VHL: variants seen among roughly 807,000 people sequenced by gnomAD.
The protein encoded by VHL is von Hippel-Lindau disease tumor suppressor.
A neutral mutation model predicts 19.2 loss-of-function variants in VHL; 10 were observed. That is an observed-to-expected ratio of 0.52 (90% CI 0.32 to 0.89). The LOEUF (loss-of-function observed/expected upper bound fraction) is 0.89, where lower values mean the gene tolerates loss of function less well. VHL is among the 40% of genes least tolerant of loss of function. VHL has a pLI of 0.03. For missense variants in VHL, 328 were observed against 292.7 expected (o/e 1.12, Z -0.88); for synonymous variants, 167 against 129.5 (o/e 1.29, Z -1.97).
chr3:10,146,982 G>T (rs959045706), intron 2 of VHL, among the ~76,000 whole-genome samples: 22 of 152,078 alleles, frequency 1.4e-4, no homozygotes, highest in African/African-American at 5.1e-4. Flanking sequence ...TAGAGCATGA[G>T]ATATTTTGGC....
intron 1 of VHL, among the ~76,000 whole-genome samples, chr3:10,145,583 G>C (rs1283359843): frequency 2.0e-5 from 3 of 151,620 alleles, no homozygotes; most frequent in Admixed American, 6.6e-5. Context: ...GCGGGCACCT[G>C]TGGTCCCAGC....
At chr3:10,144,593 C>G (rs1696208635) in intron 1 of VHL, among the ~76,000 whole-genome samples, 1 of 149,458 alleles carries the variant, frequency 6.7e-6, no homozygotes, top group Non-Finnish European at 1.5e-5. Flanking sequence ...TCATTGCACC[C>G]TTAACCTGGG....
At chr3:10,147,645 G>A (rs9829048) in intron 2 of VHL, among the ~76,000 whole-genome samples, 4 of 151,692 alleles carry the variant, frequency 2.6e-5, no homozygotes, top group Admixed American at 2.0e-4. Context: ...GATTACAGGC[G>A]TGAGCCACTG....
Position 10,150,658 on chromosome 3 carries a change from C to T in VHL, c.*693C>T, listed in dbSNP as rs548149039. ...TTTCTAAGTCGTGCACTTTCTCGGT[C>T]CACTCTTGTTGAAGTGCTGTTTTAT... On this transcript the variant is annotated 3_prime_UTR_variant, in exon 3 of 3. Coordinates refer to ENST00000256474, the MANE Select transcript of VHL (RefSeq NM_000551.4). 50 of 235,010 alleles carry T rather than the reference C, an allele frequency of 2.1e-4. No homozygotes were observed. Among genetic ancestry groups the T allele is most frequent in the African/African-American group, 1.1e-3 (48 of 45,424 alleles). 14.6% of individuals were successfully genotyped at this position (235,010 alleles called of 1,614,324 possible).
intron 1 of VHL, among the ~76,000 whole-genome samples, chr3:10,143,727 G>A (rs575076052): frequency 3.4e-4 from 52 of 152,306 alleles, no homozygotes; most frequent in African/African-American, 1.1e-3. Flanking sequence ...GATTACAGGC[G>A]TGCTGGGATT....
In VHL at chr3:10,142,341, C is replaced by CT. The variant is rs556405301; in HGVS notation, c.340+174dup. 0.11 allele frequency among the ~76,000 whole-genome samples: 11,413 copies of CT among 107,808 alleles called. 2,500 individuals carry two copies. Among genetic ancestry groups the CT allele is most frequent in the African/African-American group, 0.39 (10,568 of 26,832 alleles). 70.7% of individuals were successfully genotyped at this position (107,808 alleles called of 152,430 possible). A position where few individuals can be genotyped will look rare whatever the true frequency, so the allele number is the denominator to read the frequency against. ...CGCTGCTCGTAAGCGTCAGAGCATT[C>CT]TTTTTTTTTTTTTTTTTTTTCTGAG... On this transcript the variant is annotated intron_variant, in intron 1 of 2. Transcript: ENST00000256474.
intron 1 of VHL, chr3:10,142,563 C>G (rs539163717): frequency 3.8e-6 from 1 of 261,786 alleles, no homozygotes; most frequent in Non-Finnish European, 7.4e-6. Flanking sequence ...TCAGGCTGGT[C>G]TCGAACTGCT....
At chr3:10,147,700 A>G (rs1348799924) in intron 2 of VHL, among the ~76,000 whole-genome samples, 1 of 150,506 alleles carries the variant, frequency 6.6e-6, no homozygotes, top group African/African-American at 2.4e-5. Context: ...GAAGATTGGT[A>G]TAATACTTCA....
Position 10,153,656 on chromosome 3 carries a change from G to C in VHL, c.*3691G>C, listed in dbSNP as rs1696477623. Among the ~76,000 whole-genome samples, 1 of 151,134 alleles carries C rather than the reference G, an allele frequency of 6.6e-6. No individual in the cohort carries two copies. Among genetic ancestry groups the C allele is most frequent in the Non-Finnish European group, 1.5e-5 (1 of 67,906 alleles). ...GTTTTTTAATACATTAAATGGTGCT[G>C]AGTAAAGGAAATAGGCAGGGTGTGT... On this transcript the variant is annotated 3_prime_UTR_variant, in exon 3 of 3. Coordinates refer to ENST00000256474, the MANE Select transcript of VHL (RefSeq NM_000551.4).
In VHL at chr3:10,149,881, A is replaced by C. The variant is rs587778744; in HGVS notation, c.558A>C (p.Glu186Asp). Residue 186 changes from glutamate (E) to aspartate (D), a missense_variant, in exon 3 of 3, where the codon GAA (glutamate) becomes GAC (aspartate). Transcript: ENST00000256474. ...RRLDIVRSLY[E>D]DLEDHPNVQK... is the part of the protein sequence containing the mutation. ...TGGACATCGTCAGGTCGCTCTACGA[A>C]GATCTGGAAGACCACCCAAATGTGC... is the stretch of plus-strand genomic sequence containing the variant. 1 of 1,614,212 alleles carries C rather than the reference A, an allele frequency of 6.2e-7. No individual in the cohort carries two copies. The highest frequency in any genetic ancestry group is 2.2e-5 in the East Asian group (1 of 44,884).
chr3:10,151,561 G>C lies in VHL; in HGVS notation c.*1596G>C, dbSNP rs907376168. On this transcript the variant is annotated 3_prime_UTR_variant, in exon 3 of 3. Coordinates refer to ENST00000256474, the MANE Select transcript of VHL (RefSeq NM_000551.4). Reference sequence around the variant, plus strand: ...TTCCAGCCTTTTTAGGGCAGATTTTGGTTGGTTTTTACATAGTTGAGATTG... The same window carrying C: ...TTCCAGCCTTTTTAGGGCAGATTTTCGTTGGTTTTTACATAGTTGAGATTG... 8.9e-6 allele frequency: 2 copies of C among 225,802 alleles called. No homozygotes were observed. The highest frequency in any genetic ancestry group is 1.8e-5 in the Non-Finnish European group (2 of 113,614). The allele number at this position is 225,802 out of a possible 1,614,324, so 14.0% of individuals were successfully genotyped here.
At chr3:10,146,325 CA>C (rs767939209) in intron 1 of VHL, among the ~76,000 whole-genome samples, 188 bp from the exon 2 acceptor site, 15 of 59,934 alleles carry the variant, frequency 2.5e-4, no homozygotes, top group Non-Finnish European at 8.3e-4. Context: ...AGGCGCTCGC[CA>C]CCACACCTGG....
chr3:10,150,411 A>T lies in VHL; in HGVS notation c.*446A>T, dbSNP rs1204770307. 8.6e-7 allele frequency: 1 copy of T among 1,165,078 alleles called. No homozygotes were observed. The highest frequency in any genetic ancestry group is 1.6e-5 in the African/African-American group (1 of 64,056). The allele number at this position is 1,165,078 out of a possible 1,614,324, so 72.2% of individuals were successfully genotyped here. A position where few individuals can be genotyped will look rare whatever the true frequency, so the allele number is the denominator to read the frequency against. On this transcript the variant is annotated 3_prime_UTR_variant, in exon 3 of 3. Transcript: ENST00000256474. ...CTTTGGGAAGACTGAGGCATCCGTG[A>T]GGCAGGGACAAGTCTTTCTCCTCTT...
At chr3:10,148,769 C>T (rs1559429183) in intron 2 of VHL, among the ~76,000 whole-genome samples, 1 of 151,478 alleles carries the variant, frequency 6.6e-6, no homozygotes, top group Non-Finnish European at 1.5e-5. Flanking sequence ...CAACCTCTGC[C>T]TCTCGGGTTC....
rs578053681 is a variant in VHL at position 10,152,680 on chromosome 3, C to T, written c.*2715C>T. On this transcript the variant is annotated 3_prime_UTR_variant, in exon 3 of 3. Coordinates refer to ENST00000256474, the MANE Select transcript of VHL (RefSeq NM_000551.4). The stretch of plus-strand genomic sequence containing the variant: ...GCTAATTTTGTGTTTTTAGTGGAGA[C>T]GGGGTTTCACCATGTTGTCCAGGAT... 2.6e-5 allele frequency among the ~76,000 whole-genome samples: 4 copies of T among 151,054 alleles called. No homozygotes were observed. The highest frequency in any genetic ancestry group is 4.2e-4 in the South Asian group (2 of 4,750).
chr3:10,150,158 A>G lies in VHL; in HGVS notation c.*193A>G. The G allele has an allele frequency of 1.4e-6, 2 of 1,448,912 alleles. No individual in the cohort carries two copies. Among genetic ancestry groups the G allele is most frequent in the Non-Finnish European group, 1.8e-6 (2 of 1,102,170 alleles). The allele number at this position is 1,448,912 out of a possible 1,614,324, so 89.8% of individuals were successfully genotyped here. ...GATGTTTAGGGGCAAACATCACAAA[A>G]TGTAATTTAATGCCTGCCCATTAGA... On this transcript the variant is annotated 3_prime_UTR_variant, in exon 3 of 3. Coordinates refer to ENST00000256474, the MANE Select transcript of VHL (RefSeq NM_000551.4).
chr3:10,148,135 T>C (rs540552634), intron 2 of VHL, among the ~76,000 whole-genome samples: 17 of 151,672 alleles, frequency 1.1e-4, no homozygotes, highest in African/African-American at 3.1e-4. Flanking sequence ...CCCAAATACA[T>C]GGGTTTCATA....
intron 2 of VHL, among the ~76,000 whole-genome samples, chr3:10,146,889 T>C (rs1043653911): frequency 1.3e-5 from 2 of 152,144 alleles, no homozygotes; most frequent in African/African-American, 4.8e-5. Context: ...ATATCATAGG[T>C]TAGTTTTGTA....
At position 10,149,801 on chromosome 3, in the gene VHL, G is replaced by C. The variant is rs1696354965; in HGVS notation, c.478G>C (p.Glu160Gln). 6.2e-7 allele frequency: 1 copy of C among 1,614,150 alleles called. No individual in the cohort carries two copies. Among genetic ancestry groups the C allele is most frequent in the Admixed American group, 1.7e-5 (1 of 60,018 alleles). Residue 160 changes from glutamate (E) to glutamine (Q), a missense_variant, in exon 3 of 3, where the codon GAG (glutamate) becomes CAG (glutamine). Physicochemically the swap from Glu to Gln is conservative, Grantham distance 29 (BLOSUM62 2). Coordinates refer to ENST00000256474, the MANE Select transcript of VHL (RefSeq NM_000551.4). The stretch of plus-strand genomic sequence containing the variant: ...TGCCCTTCCAGTGTATACTCTGAAA[G>C]AGCGATGCCTCCAGGTTGTCCGGAG... ...NITLPVYTLK[E>Q]RCLQVVRSLV...
Sources: gnomAD v4.1 joint callset for allele counts (sites outside exome capture counted in the v4.1 genomes callset) on GRCh38, gnomAD v4.1.1 for gene constraint, MANE v1.5 for transcripts, NCBI Gene and HGNC (gene_info 2026-07-23, HGNC 2026-07-21) for gene names.